SIPA1L3: variants seen among roughly 807,000 people sequenced by gnomAD.
SIPA1L3 encodes signal induced proliferation associated 1 like 3, also known as signal-induced proliferation-associated 1-like protein 3.
A neutral mutation model predicts 150.1 loss-of-function variants in SIPA1L3; 59 were observed. The ratio of observed to expected loss-of-function variants is 0.39; its 90% CI spans 0.32 to 0.49. The LOEUF (loss-of-function observed/expected upper bound fraction) is 0.49. Ranked by LOEUF, SIPA1L3 falls within the 20% of genes least tolerant of loss-of-function variation. SIPA1L3 has a pLI of 0.86. For synonymous variants in SIPA1L3, 1,070 were observed against 1,077.6 expected (o/e 0.99, Z 0.14); for missense variants, 2,211 against 2,489.5 (o/e 0.89, Z 2.38).
intron 15 of SIPA1L3, among the ~76,000 whole-genome samples, chr19:38,170,384 C>G (rs1011955922): frequency 6.6e-6 from 1 of 152,242 alleles, no homozygotes; most frequent in East Asian, 1.9e-4. Flanking sequence ...CACTGTGCAC[C>G]GGGCAGCCCA....
At chr19:38,021,619 A>G (rs1324201710) in intron 1 of SIPA1L3, among the ~76,000 whole-genome samples, 1 of 150,832 alleles carries the variant, frequency 6.6e-6, no homozygotes, top group Non-Finnish European at 1.5e-5. Flanking sequence ...ATGGCTCACT[A>G]CAGCCTTGAT....
At position 38,208,213 on chromosome 19, in the gene SIPA1L3, C is replaced by T. The variant is rs981284837; in HGVS notation, c.*1973C>T. ...TGAGGTTGATGTTCTATCCAATGGC[C>T]GAAGATAGCAGCAGGTTTTTTTTTT... is the stretch of plus-strand genomic sequence containing the variant. On this transcript the variant is annotated 3_prime_UTR_variant, in exon 22 of 22. Transcript: ENST00000222345. 7 of 151,854 alleles carry T rather than the reference C, an allele frequency of 4.6e-5. No homozygotes were observed. Among genetic ancestry groups the T allele is most frequent in the African/African-American group, 1.2e-4 (5 of 41,272 alleles). The allele number at this position is 151,854 out of a possible 1,614,324, so 9.4% of individuals were successfully genotyped here.
At chr19:37,992,181 C>T (rs1032990922) in intron 1 of SIPA1L3, among the ~76,000 whole-genome samples, 5 of 152,176 alleles carry the variant, frequency 3.3e-5, no homozygotes, top group African/African-American at 1.2e-4. Flanking sequence ...AGAGCAGTCC[C>T]AACCTCTTAA....
At chr19:38,058,671 T>C (rs532547269) in intron 2 of SIPA1L3, among the ~76,000 whole-genome samples, 2 of 152,254 alleles carry the variant, frequency 1.3e-5, no homozygotes, top group African/African-American at 4.8e-5. Flanking sequence ...TGAGAGTGAC[T>C]GGGGTGGCAC....
At chr19:38,142,762 C>CT in intron 12 of SIPA1L3, 52 bp downstream of exon 12, 1 of 1,563,484 alleles carries the variant, frequency 6.4e-7, no homozygotes, top group Non-Finnish European at 8.7e-7. Flanking sequence ...AAAGCTGTGC[C>CT]TCCTTCTTCC....
In SIPA1L3 at chr19:38,030,642, A is replaced by ATATATATATATATATATG. The variant is rs1555778714; in HGVS notation, c.-311+1495_-311+1496insATATATATGTATATATAT. 6.0e-4 allele frequency among the ~76,000 whole-genome samples: 45 copies of ATATATATATATATATATG among 75,356 alleles called. 1 individual carries two copies. The highest frequency in any genetic ancestry group is 1.7e-3 in the African/African-American group (44 of 25,470). 49.4% of individuals were successfully genotyped at this position (75,356 alleles called of 152,430 possible). A position where few individuals can be genotyped will look rare whatever the true frequency, so the allele number is the denominator to read the frequency against. On this transcript the variant is annotated intron_variant, in intron 2 of 21. Transcript: ENST00000222345. The stretch of plus-strand genomic sequence containing the variant: ...GTGGCAAATATATATATATATATAT[A>ATATATATATATATATATG]TATATATATGGCAAATACTTACCTG...
chr19:38,114,925 C>G (rs1445574726), intron 8 of SIPA1L3, among the ~76,000 whole-genome samples: 5 of 152,210 alleles, frequency 3.3e-5, no homozygotes, highest in Non-Finnish European at 7.3e-5. Flanking sequence ...CATGAGGCAG[C>G]CACAGTGGTC....
chr19:38,090,877 G>A (rs1049799976), intron 4 of SIPA1L3, among the ~76,000 whole-genome samples: 3 of 152,232 alleles, frequency 2.0e-5, no homozygotes, highest in African/African-American at 7.2e-5. Flanking sequence ...TGGCATGGAG[G>A]CTTTGCAGTA....
chr19:38,180,372 G>C (rs1049391382), intron 15 of SIPA1L3, among the ~76,000 whole-genome samples: 18 of 151,856 alleles, frequency 1.2e-4, no homozygotes, highest in African/African-American at 4.1e-4. Flanking sequence ...GTGTTTCCCA[G>C]GCTGGTTTCC....
intron 6 of SIPA1L3, among the ~76,000 whole-genome samples, chr19:38,102,810 T>C (rs1208245419): frequency 6.7e-6 from 1 of 149,132 alleles, no homozygotes; most frequent in Non-Finnish European, 1.5e-5. Flanking sequence ...CCAGCCCGGA[T>C]GACAAAGCAA....
intron 1 of SIPA1L3, among the ~76,000 whole-genome samples, chr19:38,001,036 A>G (rs1165096633): frequency 6.6e-6 from 1 of 150,548 alleles, no homozygotes; most frequent in African/African-American, 2.4e-5. Context: ...CACATATATC[A>G]CACATATATC....
At chr19:37,932,436 G>A (rs2046563021) in intron 1 of SIPA1L3, 1 of 132,438 alleles carries the variant, frequency 7.6e-6, no homozygotes, top group Non-Finnish European at 1.5e-5. Context: ...CCATCTCCTG[G>A]GGAACTCCGG....
At chr19:37,931,932 G>T (rs1162105874) in intron 1 of SIPA1L3, among the ~76,000 whole-genome samples, 3 of 152,138 alleles carry the variant, frequency 2.0e-5, no homozygotes, top group Non-Finnish European at 4.4e-5. Flanking sequence ...TTAGAGGGTC[G>T]CTGTGAGGGT....
In SIPA1L3 at chr19:38,180,622, C is replaced by T. The variant is rs537548547; in HGVS notation, c.4209-1897C>T. Among the ~76,000 whole-genome samples, 32 of 151,034 alleles carry T rather than the reference C, an allele frequency of 2.1e-4. 1 individual carries two copies. The highest frequency in any genetic ancestry group is 6.6e-4 in the Admixed American group (10 of 15,140). ...ATAATGGCGTGATCTCGGCTCACCG[C>T]GACCTCCGCCTCCCGGGTTCAAGCG... On this transcript the variant is annotated intron_variant, in intron 15 of 21. Coordinates refer to ENST00000222345, the MANE Select transcript of SIPA1L3 (RefSeq NM_015073.3).
At position 38,081,339 on chromosome 19, in the gene SIPA1L3, C is replaced by A; in HGVS notation, c.-227C>A. On this transcript the variant is annotated 5_prime_UTR_variant, in exon 3 of 22. The change creates a new upstream start codon in the 5' untranslated region. Coordinates refer to ENST00000222345, the MANE Select transcript of SIPA1L3 (RefSeq NM_015073.3). ...GCTCTGCGCTACTGAGCCACTCGGT[C>A]TGGAGCCCCCAGGACAGCACCTGCT... 3.9e-6 allele frequency: 2 copies of A among 517,740 alleles called. No individual in the cohort carries two copies. The highest frequency in any genetic ancestry group is 7.3e-5 in the South Asian group (2 of 27,362). 32.1% of individuals were successfully genotyped at this position (517,740 alleles called of 1,614,324 possible). A position where few individuals can be genotyped will look rare whatever the true frequency, so the allele number is the denominator to read the frequency against.
intron 1 of SIPA1L3, among the ~76,000 whole-genome samples, chr19:37,973,890 T>C (rs1027082803): frequency 2.0e-5 from 3 of 152,150 alleles, no homozygotes; most frequent in African/African-American, 7.2e-5. Context: ...CTTGATTCTA[T>C]GTGTCAGACT....
chr19:38,006,865 C>T (rs970388276), intron 1 of SIPA1L3, among the ~76,000 whole-genome samples: 2 of 152,184 alleles, frequency 1.3e-5, no homozygotes, highest in African/African-American at 4.8e-5. Flanking sequence ...TTCATTACAG[C>T]AGTGTTTGTC....
intron 16 of SIPA1L3, among the ~76,000 whole-genome samples, chr19:38,190,997 T>A (rs1489537663): frequency 6.6e-6 from 1 of 152,214 alleles, no homozygotes; most frequent in Non-Finnish European, 1.5e-5. Context: ...GAAACCTGAC[T>A]CCTTCACAGG....
chr19:37,962,662 C>T (rs1210037993), intron 1 of SIPA1L3, among the ~76,000 whole-genome samples: 1 of 151,660 alleles, frequency 6.6e-6, no homozygotes, highest in Non-Finnish European at 1.5e-5. Flanking sequence ...TGTGCACACA[C>T]ATGCATACGT....
Sources: allele counts gnomAD v4.1 joint callset (sites outside exome capture counted in the v4.1 genomes callset), GRCh38; gene constraint gnomAD v4.1.1; transcripts MANE v1.5; gene names NCBI Gene and HGNC (gene_info 2026-07-23, HGNC 2026-07-21).